RERG: variants seen among roughly 807,000 people sequenced by gnomAD.
The protein encoded by RERG is RAS like estrogen regulated growth inhibitor, also known as ras-related and estrogen-regulated growth inhibitor.
A neutral mutation model predicts 23.2 loss-of-function variants in RERG; 25 were observed. The ratio of observed to expected loss-of-function variants is 1.08; its 90% confidence interval spans 0.79 to 1.50. The LOEUF is 1.50. Ranked by LOEUF, RERG falls within the 40% of genes most tolerant of loss-of-function variation. The pLI is 0.00. For missense variants in RERG, 253 were observed against 250.1 expected, an observed-to-expected ratio of 1.01 and a Z score of -0.08; for synonymous variants, 81 against 89.1, an observed-to-expected ratio of 0.91 and a Z score of 0.51.
rs1863561350 is a variant in RERG at position 15,109,441 on chromosome 12, C to T, written c.269G>A (p.Gly90Glu). The T allele has an allele frequency of 6.2e-7, 1 of 1,613,976 alleles. No homozygotes were observed. The highest frequency in any genetic ancestry group is 8.5e-7 in the Non-Finnish European group (1 of 1,179,962). Residue 90 changes from glycine (G) to glutamate (E), a missense_variant, in exon 5 of 5, where the codon GGA becomes GAA. Transcript: ENST00000256953. Reference sequence around the variant, plus strand: ...AAGTGGCAGCACTTCCTCAAAACTTCCTCGGTCAGTAATGTCGTAGACCAG... The same window carrying T: ...AAGTGGCAGCACTTCCTCAAAACTTTCTCGGTCAGTAATGTCGTAGACCAG... Reference protein sequence around the residue: ...FVLVYDITDRGSFEEVLPLKN... With the variant: ...FVLVYDITDRESFEEVLPLKN...
chr12:15,220,532 CTTACTTAT>C (rs1178760058), intron 1 of RERG, among the ~76,000 whole-genome samples: 5 of 150,600 alleles, frequency 3.3e-5, no homozygotes, highest in Admixed American at 6.6e-5. Context: ...ACCTTATTTA[CTTACTTAT>C]TTAAAGAAAG....
intron 2 of RERG, among the ~76,000 whole-genome samples, chr12:15,214,884 C>T (rs1302286777): frequency 3.3e-5 from 5 of 152,102 alleles, no homozygotes; most frequent in African/African-American, 1.2e-4. Flanking sequence ...AGTTTGTGGT[C>T]GTTTTCACTG....
chr12:15,182,388 T>C (rs1864937010), intron 2 of RERG, among the ~76,000 whole-genome samples: 3 of 152,160 alleles, frequency 2.0e-5, no homozygotes, highest in Non-Finnish European at 4.4e-5. Context: ...GTTTCCTGGA[T>C]TCTTGCTAAA....
intron 2 of RERG, among the ~76,000 whole-genome samples, chr12:15,150,212 AT>A (rs1864415754): frequency 6.6e-6 from 1 of 152,204 alleles, no homozygotes; most frequent in Non-Finnish European, 1.5e-5. Flanking sequence ...ATTTGGGAAT[AT>A]TTACACAGTG....
At chr12:15,201,130 T>A (rs1865209224) in intron 2 of RERG, among the ~76,000 whole-genome samples, 1 of 151,934 alleles carries the variant, frequency 6.6e-6, no homozygotes, top group African/African-American at 2.4e-5. Context: ...CCATTCTGGT[T>A]CCTCACTTTT....
chr12:15,200,633 G>T (rs1865202739), intron 2 of RERG, among the ~76,000 whole-genome samples: 1 of 151,836 alleles, frequency 6.6e-6, no homozygotes, highest in Non-Finnish European at 1.5e-5. Flanking sequence ...CCAGTTATTT[G>T]ATTCACAAGA....
intron 3 of RERG, among the ~76,000 whole-genome samples, chr12:15,117,142 CT>C (rs3084646): frequency 2.3e-4 from 32 of 136,804 alleles, no homozygotes; most frequent in Middle Eastern, 7.9e-3. Flanking sequence ...ACTGATTTAG[CT>C]TTTTTTTTTT....
chr12:15,182,785 AG>A (rs1270966614), intron 2 of RERG, among the ~76,000 whole-genome samples: 1 of 152,158 alleles, frequency 6.6e-6, no homozygotes, highest in African/African-American at 2.4e-5. Flanking sequence ...CTAACTAAGA[AG>A]GTATTAAGCC....
At chr12:15,120,815 C>T (rs143296760) in intron 3 of RERG, among the ~76,000 whole-genome samples, 89 of 152,218 alleles carry the variant, frequency 5.8e-4, no homozygotes, top group African/African-American at 2.0e-3. Context: ...GTGTGTTGTA[C>T]CCACTTCCTT....
At chr12:15,146,002 G>C (rs1022119296) in intron 2 of RERG, among the ~76,000 whole-genome samples, 1 of 152,192 alleles carries the variant, frequency 6.6e-6, no homozygotes, top group African/African-American at 2.4e-5. Context: ...AGCCCTTTGG[G>C]AGAAATGTGT....
intron 2 of RERG, among the ~76,000 whole-genome samples, chr12:15,183,783 A>C (rs1864956032): frequency 6.6e-6 from 1 of 152,156 alleles, no homozygotes; most frequent in African/African-American, 2.4e-5. Context: ...ATAGTGTGGA[A>C]AGCAAAGGGT....
rs1401818450 is a variant in RERG at position 15,108,729 on chromosome 12, A to G, written c.*381T>C. On this transcript the variant is annotated 3_prime_UTR_variant, in exon 5 of 5. Transcript: ENST00000256953. The stretch of plus-strand genomic sequence containing the variant: ...TTTTTACTGTATTTTCTGCTATCTT[A>G]GACTTTTAAGAAAATTATTTGTAGT... 1 of 162,936 alleles carries G rather than the reference A, an allele frequency of 6.1e-6. No homozygotes were observed. Among genetic ancestry groups the G allele is most frequent in the East Asian group, 1.8e-4 (1 of 5,610 alleles). 10.1% of individuals were successfully genotyped at this position (162,936 alleles called of 1,614,324 possible).
intron 2 of RERG, among the ~76,000 whole-genome samples, chr12:15,161,483 T>C (rs994038647): frequency 2.0e-5 from 3 of 152,190 alleles, no homozygotes; most frequent in Admixed American, 2.0e-4. Flanking sequence ...TTCCTCCTTC[T>C]TCCCATTTAC....
intron 2 of RERG, among the ~76,000 whole-genome samples, chr12:15,213,931 T>C (rs1865403240): frequency 6.6e-6 from 1 of 152,094 alleles, no homozygotes; most frequent in African/African-American, 2.4e-5. Flanking sequence ...TATGATCATC[T>C]GTGGTCAAGC....
chr12:15,201,866 C>A (rs1865222280), intron 2 of RERG, among the ~76,000 whole-genome samples: 1 of 151,516 alleles, frequency 6.6e-6, no homozygotes, highest in Non-Finnish European at 1.5e-5. Flanking sequence ...TAGGGTTCAC[C>A]AAAGTTAAAT....
At chr12:15,141,071 C>T (rs550843925) in intron 2 of RERG, among the ~76,000 whole-genome samples, 33 of 151,896 alleles carry the variant, frequency 2.2e-4, no homozygotes, top group African/African-American at 7.2e-4. Flanking sequence ...CTTAGATACC[C>T]AGTGTGGAGA....
intron 3 of RERG, chr12:15,114,740 G>C (rs907720151): frequency 3.3e-5 from 5 of 152,146 alleles, no homozygotes; most frequent in Non-Finnish European, 7.4e-5. Context: ...ACCTGGTCCA[G>C]GTTCTTACAG....
intron 2 of RERG, among the ~76,000 whole-genome samples, chr12:15,124,935 A>G (rs933581899): frequency 1.3e-5 from 2 of 151,638 alleles, no homozygotes; most frequent in Non-Finnish European, 2.9e-5. Flanking sequence ...AATTTTGTCT[A>G]TAATCCTAGT....
intron 3 of RERG, among the ~76,000 whole-genome samples, chr12:15,111,686 C>CTT (rs11296760): frequency 1.2e-4 from 15 of 127,974 alleles, no homozygotes; most frequent in African/African-American, 4.5e-4. Flanking sequence ...CTATACTTTC[C>CTT]TTTTTTTTTT....
Sources: allele counts gnomAD v4.1 joint callset (sites outside exome capture counted in the v4.1 genomes callset), GRCh38; gene constraint gnomAD v4.1.1; transcripts MANE v1.5; gene names NCBI Gene and HGNC (gene_info 2026-07-23, HGNC 2026-07-21).